DEPDC5: variants seen among roughly 807,000 people sequenced by gnomAD.
The protein encoded by DEPDC5 is GATOR1 complex protein DEPDC5.
A neutral mutation model predicts 217.3 loss-of-function variants in DEPDC5; 73 were observed. The observed-to-expected ratio is 0.34, with a 90% CI of 0.28 to 0.41. DEPDC5 has a LOEUF of 0.41. DEPDC5 is among the 10% of genes least tolerant of loss of function. DEPDC5 has a pLI of 1.00. For synonymous variants in DEPDC5, 733 were observed against 756.7 expected (o/e 0.97, Z 0.51); for missense variants, 1,675 against 2,070.1 (o/e 0.81, Z 3.70).
At chr22:31,829,182 T>C (rs1266064245) in intron 24 of DEPDC5, among the ~76,000 whole-genome samples, 1 of 152,226 alleles carries the variant, frequency 6.6e-6, no homozygotes, top group African/African-American at 2.4e-5. Flanking sequence ...CATAGAGTCC[T>C]TGTTTTGGGA....
At chr22:31,792,327 T>A (rs986956287) in intron 11 of DEPDC5, among the ~76,000 whole-genome samples, 7 of 152,012 alleles carry the variant, frequency 4.6e-5, no homozygotes, top group African/African-American at 1.7e-4. Flanking sequence ...GACAGTTGGC[T>A]GGGTGCAGTG....
chr22:31,819,824 C>T (rs949086289), intron 22 of DEPDC5, among the ~76,000 whole-genome samples: 2 of 152,100 alleles, frequency 1.3e-5, no homozygotes, highest in African/African-American at 4.8e-5. Flanking sequence ...TTTCCTAAGT[C>T]AGATGTCCCT....
chr22:31,797,797 A>G (rs534385766), intron 13 of DEPDC5, 94 bp downstream of exon 13: 2 of 946,348 alleles, frequency 2.1e-6, no homozygotes, highest in South Asian at 2.8e-5. Context: ...TTTCTCTCCC[A>G]TTGCCGTGTG....
chr22:31,792,916 C>A, intron 12 of DEPDC5, 99 bp downstream of exon 12: 1 of 1,066,064 alleles, frequency 9.4e-7, no homozygotes, highest in Non-Finnish European at 1.3e-6. Flanking sequence ...GAAACCCTGT[C>A]TCTACCAAAA....
At chr22:31,806,319 G>GC in intron 18 of DEPDC5, 128 bp downstream of exon 18, 1 of 738,602 alleles carries the variant, frequency 1.4e-6, no homozygotes, top group Non-Finnish European at 2.2e-6. Flanking sequence ...GAGCCATTCT[G>GC]CCCAGCCAAG....
At chr22:31,859,266 A>G (rs2092426476) in intron 32 of DEPDC5, among the ~76,000 whole-genome samples, 1 of 148,838 alleles carries the variant, frequency 6.7e-6, no homozygotes, top group South Asian at 2.1e-4. Flanking sequence ...AATTTTTTGT[A>G]TTTTTTAGTA....
intron 38 of DEPDC5, chr22:31,891,163 CCTT>C (rs771640543): frequency 1.0e-4 from 52 of 505,978 alleles, no homozygotes; most frequent in Admixed American, 2.7e-4. Flanking sequence ...TGTAGGAGCT[CCTT>C]CTTTAAACTG....
chr22:31,807,936 T>C (rs777437859), intron 18 of DEPDC5, among the ~76,000 whole-genome samples: 92 of 152,082 alleles, frequency 6.0e-4, no homozygotes, highest in Non-Finnish European at 6.8e-4. Context: ...GTTACTCTTC[T>C]AATAAGGGAA....
chr22:31,837,258 T>G, intron 26 of DEPDC5, 103 bp downstream of exon 26: 1 of 1,265,530 alleles, frequency 7.9e-7, no homozygotes, highest in Non-Finnish European at 1.1e-6. Context: ...CAGCAACACA[T>G]ATATTAAAAT....
intron 31 of DEPDC5, among the ~76,000 whole-genome samples, chr22:31,852,017 C>T (rs1184568554): frequency 6.6e-6 from 1 of 151,924 alleles, no homozygotes; most frequent in East Asian, 1.9e-4. Flanking sequence ...ATAGTGAGAC[C>T]CCATCTCTAC....
chr22:31,758,354 C>T (rs928110020), intron 2 of DEPDC5, among the ~76,000 whole-genome samples, 192 bp from the exon 3 acceptor site: 1 of 152,140 alleles, frequency 6.6e-6, no homozygotes, highest in Non-Finnish European at 1.5e-5. Flanking sequence ...GAGCGCCATC[C>T]CACTCTGCTG....
intron 5 of DEPDC5, 95 bp downstream of exon 5, chr22:31,765,155 T>G (rs2082707250): frequency 1.0e-6 from 1 of 968,438 alleles, no homozygotes; most frequent in Non-Finnish European, 1.6e-6. Context: ...TTAAGTGTAG[T>G]GTTAGCCTAT....
At chr22:31,844,722 TTTTTTTG>T in intron 29 of DEPDC5, 2 of 196,850 alleles carry the variant, frequency 1.0e-5, no homozygotes, top group South Asian at 1.6e-4. Context: ...TTTTTTTTTT[TTTTTTTG>T]AGACAAGGTG....
intron 23 of DEPDC5, 82 bp downstream of exon 23, chr22:31,821,719 C>T: frequency 2.6e-6 from 4 of 1,551,124 alleles, no homozygotes; most frequent in Non-Finnish European, 3.5e-6. Flanking sequence ...AGACTATTGA[C>T]AAAATGTTGT....
intron 18 of DEPDC5, among the ~76,000 whole-genome samples, chr22:31,808,871 A>G (rs1200788669): frequency 6.6e-6 from 1 of 151,938 alleles, no homozygotes; most frequent in African/African-American, 2.4e-5. Context: ...GGCTACCATG[A>G]TCATTTTAAA....
chr22:31,866,774 GT>G (rs572686207), intron 33 of DEPDC5, among the ~76,000 whole-genome samples: 466 of 152,080 alleles, frequency 3.1e-3, no homozygotes, highest in Non-Finnish European at 5.0e-3. Context: ...TTTGTCCGAG[GT>G]TTTTTTTCAT....
At chr22:31,807,779 T>A (rs2087730308) in intron 18 of DEPDC5, among the ~76,000 whole-genome samples, 1 of 152,166 alleles carries the variant, frequency 6.6e-6, no homozygotes, top group African/African-American at 2.4e-5. Context: ...AAAAGCAGGC[T>A]GTTATGTTTG....
chr22:31,779,005 A>G (rs891889932), intron 8 of DEPDC5, among the ~76,000 whole-genome samples: 3 of 152,166 alleles, frequency 2.0e-5, no homozygotes, highest in African/African-American at 7.2e-5. Flanking sequence ...TATCTGGCCC[A>G]AAATGTTAAT....
intron 10 of DEPDC5, among the ~76,000 whole-genome samples, chr22:31,789,055 C>T (rs1024107735): frequency 2.6e-5 from 4 of 151,838 alleles, no homozygotes; most frequent in Non-Finnish European, 5.9e-5. Context: ...CGCCACCTTA[C>T]CCTGCTAATT....
Sources: gnomAD v4.1 joint callset for allele counts (sites outside exome capture counted in the v4.1 genomes callset) on GRCh38, gnomAD v4.1.1 for gene constraint, MANE v1.5 for transcripts, NCBI Gene and HGNC (gene_info 2026-07-23, HGNC 2026-07-21) for gene names.